Variants in HSD17B14 observed in about 807,000 individuals in gnomAD.
HSD17B14 encodes the protein L-fucose dehydrogenase.
Under a neutral mutation model 32.2 loss-of-function variants are expected in HSD17B14, and 32 were observed. The observed-to-expected ratio is 0.99, with a 90% CI of 0.75 to 1.33. The LOEUF (loss-of-function observed/expected upper bound fraction) is 1.33. HSD17B14 is among the 40% of genes most tolerant of loss of function. The probability of loss-of-function intolerance (pLI) is 0.00; values close to 1 mark genes in which losing one functional copy is unlikely to be tolerated. For synonymous variants in HSD17B14, 140 were observed against 155.4 expected (o/e 0.90, Z 0.74); for missense variants, 370 against 366.5 (o/e 1.01, Z -0.08).
chr19:48,817,331 C>T (rs1314986991), intron 5 of HSD17B14, among the ~76,000 whole-genome samples: 2 of 151,308 alleles, frequency 1.3e-5, no homozygotes, highest in Non-Finnish European at 2.9e-5. Flanking sequence ...GCATGTGTCA[C>T]CATGCCTGGC....
At chr19:48,817,531 C>T (rs1376102757) in intron 5 of HSD17B14, among the ~76,000 whole-genome samples, 1 of 152,150 alleles carries the variant, frequency 6.6e-6, no homozygotes, top group Admixed American at 6.6e-5. Flanking sequence ...CCTGGGTCCC[C>T]TTCCCTCTTT....
At chr19:48,816,769 G>A (rs1568517328) in intron 5 of HSD17B14, among the ~76,000 whole-genome samples, 2 of 88,144 alleles carry the variant, frequency 2.3e-5, no homozygotes, top group Admixed American at 1.1e-4. Flanking sequence ...GGGCAGCTTA[G>A]CAAGACCCTT....
intron 4 of HSD17B14, 54 bp downstream of exon 4, chr19:48,832,612 A>G: frequency 6.7e-7 from 1 of 1,494,772 alleles, no homozygotes; most frequent in Non-Finnish European, 9.3e-7. Flanking sequence ...GACGTGCAGG[A>G]AACAGAGTTG....
intron 5 of HSD17B14, among the ~76,000 whole-genome samples, chr19:48,826,866 G>A (rs1010336322): frequency 6.6e-6 from 1 of 151,846 alleles, no homozygotes; most frequent in Admixed American, 6.6e-5. Context: ...GCTGCAAGCT[G>A]GTATCTCCAG....
chr19:48,827,007 C>G (rs541666902), intron 5 of HSD17B14, among the ~76,000 whole-genome samples: 6 of 152,012 alleles, frequency 3.9e-5, no homozygotes, highest in African/African-American at 1.4e-4. Context: ...GTCAGTTGCT[C>G]AGTTGCTGGA....
rs553014967 is a variant in HSD17B14, at chr19:48,834,446, G to A, written c.128-88C>T. ...TTGGACTCCTGGGTCTGAGGGAGGAGGTGCTGGGGGCCTGGACTCCTGGGT... is the reference window on the plus strand; with the variant it reads ...TTGGACTCCTGGGTCTGAGGGAGGAAGTGCTGGGGGCCTGGACTCCTGGGT... On this transcript the variant is annotated intron_variant, in intron 2 of 8. Transcript: ENST00000263278. 3.7e-4 allele frequency: 273 copies of A among 736,858 alleles called. 2 individuals are homozygous for A. The highest frequency in any genetic ancestry group is 2.8e-3 in the African/African-American group (142 of 51,388). The allele number at this position is 736,858 out of a possible 1,614,324, so 45.6% of individuals were successfully genotyped here. A position where few individuals can be genotyped will look rare whatever the true frequency, so the allele number is the denominator to read the frequency against.
At chr19:48,823,149 T>C (rs1391243041) in intron 5 of HSD17B14, among the ~76,000 whole-genome samples, 1 of 152,142 alleles carries the variant, frequency 6.6e-6, no homozygotes, top group Non-Finnish European at 1.5e-5. Context: ...TGAGATGGTA[T>C]CAAGACATTT....
chr19:48,827,201 CCTGG>C (rs1034786518), intron 5 of HSD17B14, among the ~76,000 whole-genome samples: 5 of 151,916 alleles, frequency 3.3e-5, no homozygotes, highest in Admixed American at 6.6e-5. Flanking sequence ...CACCACCACG[CCTGG>C]CTAATTTTTG....
chr19:48,827,560 TAG>T (rs974908138), intron 5 of HSD17B14, among the ~76,000 whole-genome samples: 1 of 151,800 alleles, frequency 6.6e-6, no homozygotes, highest in Non-Finnish European at 1.5e-5. Context: ...TTTTTTTAGA[TAG>T]AGTCTTGCTC....
At chr19:48,814,318 G>A (rs1209376821) in intron 6 of HSD17B14, among the ~76,000 whole-genome samples, 3 of 151,710 alleles carry the variant, frequency 2.0e-5, no homozygotes, top group Non-Finnish European at 2.9e-5. Context: ...TCGGGAGTTC[G>A]AGACCAGCCT....
At chr19:48,834,398 CT>C (rs775428675) in intron 2 of HSD17B14, 40 bp from the exon 3 acceptor site, 14 of 1,332,658 alleles carry the variant, frequency 1.1e-5, no homozygotes, top group Non-Finnish European at 1.4e-5. Context: ...ACCCCTGGGT[CT>C]CAGGGAGGAG....
chr19:48,830,525 C>G (rs952208356), intron 5 of HSD17B14, among the ~76,000 whole-genome samples: 1 of 152,040 alleles, frequency 6.6e-6, no homozygotes, highest in Non-Finnish European at 1.5e-5. Flanking sequence ...TCTTCGGGGC[C>G]GAGAGAATTT....
intron 1 of HSD17B14, among the ~76,000 whole-genome samples, 194 bp from the exon 2 acceptor site, chr19:48,836,037 C>G (rs956932997): frequency 1.3e-5 from 2 of 152,086 alleles, no homozygotes; most frequent in East Asian, 1.9e-4. Context: ...CCTGAACCCC[C>G]GTTCGTGGCT....
chr19:48,814,034 A>C (rs2035008911), intron 6 of HSD17B14, among the ~76,000 whole-genome samples: 1 of 151,828 alleles, frequency 6.6e-6, no homozygotes, highest in Non-Finnish European at 1.5e-5. Flanking sequence ...ATCTCTGCTA[A>C]AAATACAAAA....
At chr19:48,834,827 C>T (rs530695525) in intron 2 of HSD17B14, among the ~76,000 whole-genome samples, 109 of 66,882 alleles carry the variant, frequency 1.6e-3, no homozygotes, top group African/African-American at 6.8e-3. Context: ...GGCTGGGGGC[C>T]TGGACTCCTG....
In HSD17B14 at chr19:48,832,689, C is replaced by T. The variant is rs2035362226; in HGVS notation, c.254G>A (p.Cys85Tyr). ...ETIRRFGRLDCVVNNAGHHPP... is the reference protein window; with the variant it reads ...ETIRRFGRLDYVVNNAGHHPP... ...ACGGTGGCCAGCGTTGTTGACAACA[C>T]AATCCAGGCGGCCAAATCGGCGGAT... Residue 85 changes from cysteine (C) to tyrosine (Y), a missense_variant, in exon 4 of 9, where the codon TGT (cysteine) becomes TAT (tyrosine). By Grantham distance (194) the Cys-to-Tyr change is radical. Coordinates refer to ENST00000263278, the MANE Select transcript of HSD17B14 (RefSeq NM_016246.3). The T allele has an allele frequency of 1.2e-6, 2 of 1,613,086 alleles. No homozygotes were observed. The highest frequency in any genetic ancestry group is 2.7e-5 in the African/African-American group (2 of 74,892).
At chr19:48,821,202 A>G (rs1231346741) in intron 5 of HSD17B14, among the ~76,000 whole-genome samples, 1 of 151,926 alleles carries the variant, frequency 6.6e-6, no homozygotes, top group Non-Finnish European at 1.5e-5. Flanking sequence ...TTTAGTAGAG[A>G]CGGGGTTTCA....
intron 5 of HSD17B14, among the ~76,000 whole-genome samples, chr19:48,822,031 GTGATGGTGATGATTGTGGTGA>G (rs1203240430): frequency 4.0e-5 from 6 of 151,598 alleles, no homozygotes; most frequent in South Asian, 4.2e-4. Flanking sequence ...GGTGATGGTG[GTGATGGTGATGATTGTGGTGA>G]TGATGGTGAT....
intron 1 of HSD17B14, 65 bp downstream of exon 1, chr19:48,836,259 C>T (rs983979183): frequency 1.3e-6 from 2 of 1,498,890 alleles, no homozygotes; most frequent in Non-Finnish European, 9.2e-7. Context: ...TTTCCGCCCC[C>T]ATCACCCCGC....
Sources: gnomAD v4.1 joint callset for allele counts (sites outside exome capture counted in the v4.1 genomes callset) on GRCh38, gnomAD v4.1.1 for gene constraint, MANE v1.5 for transcripts, NCBI Gene and HGNC (gene_info 2026-07-23, HGNC 2026-07-21) for gene names.